The following SOX6 variants were observed in gnomAD, a reference collection of about 807,000 sequenced individuals.
SOX6 encodes the protein SRY-box transcription factor 6, also known as transcription factor SOX-6.
In SOX6, 11 loss-of-function variants were observed where a neutral mutation model predicts 97.8. The observed-to-expected ratio is 0.11, with a 90% CI of 0.07 to 0.19. SOX6 has a LOEUF of 0.19. Ranked by LOEUF, SOX6 falls within the 10% of genes least tolerant of loss-of-function variation. The pLI is 1.00. For missense variants in SOX6, 810 were observed against 1,039.5 expected, an observed-to-expected ratio of 0.78 and a Z score of 3.04; for synonymous variants, 360 against 371.4, an observed-to-expected ratio of 0.97 and a Z score of 0.35.
Position 15,968,647 on chromosome 11 carries a change from ATT to A in SOX6, c.*4160_*4161del, listed in dbSNP as rs2119727832. ...CAGAAGGAAAAGAAAGCAGCCTTTA[ATT>A]TCAGCCCTAGAGTGATCACGCCCTT... On this transcript the variant is annotated 3_prime_UTR_variant, in exon 16 of 16. Coordinates refer to ENST00000683767, the MANE Select transcript of SOX6 (RefSeq NM_001367873.1). 1 of 152,308 alleles carries A rather than the reference ATT, an allele frequency of 6.6e-6. No individual in the cohort carries two copies. The highest frequency in any genetic ancestry group is 2.4e-5 in the African/African-American group (1 of 41,562). 9.4% of individuals were successfully genotyped at this position (152,308 alleles called of 1,614,324 possible).
At chr11:16,372,807 C>T (rs960812616) in intron 1 of SOX6, among the ~76,000 whole-genome samples, 1 of 152,034 alleles carries the variant, frequency 6.6e-6, no homozygotes, top group Non-Finnish European at 1.5e-5. Flanking sequence ...GTGGATGGAA[C>T]AACTGGAACT....
chr11:16,216,474 C>T (rs1477264961), intron 4 of SOX6, among the ~76,000 whole-genome samples: 1 of 151,994 alleles, frequency 6.6e-6, no homozygotes, highest in Admixed American at 6.6e-5. Context: ...TAGTGTCAAC[C>T]ACAATAAGAA....
intron 3 of SOX6, among the ~76,000 whole-genome samples, chr11:16,293,342 T>C (rs544011173): frequency 6.6e-6 from 1 of 152,298 alleles, no homozygotes; most frequent in South Asian, 2.1e-4. Flanking sequence ...AGCAACCACG[T>C]GGACATTACA....
At position 15,986,184 on chromosome 11, in the gene SOX6, C is replaced by T. The variant is rs910402259; in HGVS notation, c.2183+20G>A. 13 of 1,612,240 alleles carry T rather than the reference C, an allele frequency of 8.1e-6. No individual in the cohort carries two copies. The highest frequency in any genetic ancestry group is 1.7e-5 in the Admixed American group (1 of 60,012). On this transcript the variant is annotated intron_variant, in intron 15 of 15. Coordinates refer to ENST00000683767, the MANE Select transcript of SOX6 (RefSeq NM_001367873.1). The stretch of plus-strand genomic sequence containing the variant: ...TACCGCAAAAGTAAAGCCCAGGTGG[C>T]TAAATTCAGGAATACTTACCCCACA...
chr11:16,579,297 A>G (rs1049713586), intron 4 of SOX6, among the ~76,000 whole-genome samples: 1 of 151,890 alleles, frequency 6.6e-6, no homozygotes, highest in Non-Finnish European at 1.5e-5. Flanking sequence ...TAGAATATAA[A>G]AACAGTGAAA....
chr11:16,253,309 A>C (rs1853573589), intron 3 of SOX6, among the ~76,000 whole-genome samples: 1 of 151,590 alleles, frequency 6.6e-6, no homozygotes. Flanking sequence ...AGATCACACC[A>C]TTGCACTCCA....
In SOX6 at chr11:16,221,519, T is replaced by TTA. The variant is rs1343109062; in HGVS notation, c.535+13061_535+13062dup. On this transcript the variant is annotated intron_variant, in intron 4 of 15. Coordinates refer to ENST00000683767, the MANE Select transcript of SOX6 (RefSeq NM_001367873.1). ...TTTTATTGGCATTGGAAGCTGAACT[T>TTA]TATCAAAGCTATTTGTATACAGCAA... Among the ~76,000 whole-genome samples, 7 of 152,238 alleles carry TTA rather than the reference T, an allele frequency of 4.6e-5. No individual in the cohort carries two copies. In the East Asian group the frequency reaches 1.4e-3, roughly 29 times the overall value.
At chr11:16,445,667 C>A (rs907907993) in intron 1 of SOX6, among the ~76,000 whole-genome samples, 1 of 151,924 alleles carries the variant, frequency 6.6e-6, no homozygotes, top group Non-Finnish European at 1.5e-5. Context: ...TGTGTGAGTA[C>A]CCTTGAGGAG....
intron 3 of SOX6, among the ~76,000 whole-genome samples, chr11:16,650,267 T>C (rs1207281021): frequency 2.0e-5 from 3 of 152,152 alleles, no homozygotes; most frequent in Non-Finnish European, 2.9e-5. Context: ...AACTATATCC[T>C]AGAACAAATG....
chr11:16,197,965 T>C lies in SOX6; in HGVS notation c.536-11010A>G, dbSNP rs79012709. On this transcript the variant is annotated intron_variant, in intron 4 of 15. Transcript: ENST00000683767. The stretch of plus-strand genomic sequence containing the variant: ...AAAATAATTTGTCACAAATAGGATG[T>C]CCTATTCTCACACTAGGACATTCGT... Among the ~76,000 whole-genome samples the C allele has an allele frequency of 5.4e-4, 83 of 152,346 alleles. 2 individuals carry two copies. The East Asian group carries it at 0.01, about 18-fold the overall frequency.
intron 4 of SOX6, among the ~76,000 whole-genome samples, chr11:16,491,711 C>A (rs1490498822): frequency 6.6e-6 from 1 of 152,044 alleles, no homozygotes; most frequent in African/African-American, 2.4e-5. Flanking sequence ...GAAAAACATT[C>A]CTTTGGAACA....
At chr11:16,033,032 T>G (rs557396507) in intron 12 of SOX6, among the ~76,000 whole-genome samples, 3 of 152,268 alleles carry the variant, frequency 2.0e-5, no homozygotes, top group East Asian at 3.9e-4. Context: ...GTCTGGTTCC[T>G]TTTCATGGAT....
At chr11:16,579,654 T>G (rs1848013401) in intron 4 of SOX6, among the ~76,000 whole-genome samples, 1 of 152,108 alleles carries the variant, frequency 6.6e-6, no homozygotes, top group South Asian at 2.1e-4. Context: ...TGCTGAATAG[T>G]CTTCCACCGA....
chr11:16,330,587 A>G (rs7126107), intron 2 of SOX6, among the ~76,000 whole-genome samples: 1 of 151,902 alleles, frequency 6.6e-6, no homozygotes, highest in African/African-American at 2.4e-5. Context: ...ACAACATTCA[A>G]CTATTGACTG....
At chr11:16,278,820 C>A (rs1854474004) in intron 3 of SOX6, among the ~76,000 whole-genome samples, 1 of 151,986 alleles carries the variant, frequency 6.6e-6, no homozygotes, top group Non-Finnish European at 1.5e-5. Context: ...AGACCTAGAT[C>A]TAATGGGGTA....
intron 4 of SOX6, among the ~76,000 whole-genome samples, chr11:16,512,581 G>C (rs1860896563): frequency 6.6e-6 from 1 of 152,106 alleles, no homozygotes; most frequent in Non-Finnish European, 1.5e-5. Context: ...CAATATATCT[G>C]TATTATTTCT....
intron 4 of SOX6, among the ~76,000 whole-genome samples, chr11:16,562,339 C>A (rs983928590): frequency 6.6e-6 from 1 of 151,986 alleles, no homozygotes; most frequent in African/African-American, 2.4e-5. Flanking sequence ...TTTCTTTTCG[C>A]GTTGTGTATA....
Position 16,547,390 on chromosome 11 carries a change from A to G in SOX6, n.609+64691T>C, listed in dbSNP as rs1847633641. Among the ~76,000 whole-genome samples the G allele has an allele frequency of 2.6e-5, 4 of 152,266 alleles. No homozygotes were observed. In the South Asian group the frequency reaches 8.3e-4, roughly 32 times the overall value. On this transcript the variant is annotated intron_variant and non_coding_transcript_variant, in intron 4 of 5. Coordinates refer to the SOX6 transcript ENST00000524520. Reference sequence around the variant, plus strand: ...TGTCCATCAATGGAAGAAAAGATAAAGAAATATATATATACAAACATATAT... The same window carrying G: ...TGTCCATCAATGGAAGAAAAGATAAGGAAATATATATATACAAACATATAT...
At chr11:16,287,010 C>T (rs752882705) in intron 3 of SOX6, among the ~76,000 whole-genome samples, 51 of 151,200 alleles carry the variant, frequency 3.4e-4, no homozygotes, top group Admixed American at 2.3e-3. Context: ...ATGAAAAATG[C>T]TAGAAAAAAA....
Sources: allele counts gnomAD v4.1 joint callset (sites outside exome capture counted in the v4.1 genomes callset), GRCh38; gene constraint gnomAD v4.1.1; transcripts MANE v1.5; gene names NCBI Gene and HGNC (gene_info 2026-07-23, HGNC 2026-07-21).